Variants in SEM1 observed in about 807,000 individuals in gnomAD.
The protein encoded by SEM1 is 26S proteasome complex subunit SEM1.
Under a neutral mutation model 12.7 loss-of-function variants are expected in SEM1, and 3 were observed. The ratio of observed to expected loss-of-function variants is 0.24; its 90% CI spans 0.11 to 0.61. SEM1 has a LOEUF of 0.61. Ranked by LOEUF, SEM1 falls within the 20% of genes least tolerant of loss-of-function variation. SEM1 has a pLI of 0.88. For synonymous variants in SEM1, 30 were observed against 27.8 expected (o/e 1.08, Z -0.25); for missense variants, 59 against 81.3 (o/e 0.73, Z 1.06).
At chr7:96,568,435 T>G (rs1353230812) in intron 2 of SEM1, among the ~76,000 whole-genome samples, 5 of 151,856 alleles carry the variant, frequency 3.3e-5, no homozygotes, top group Non-Finnish European at 7.4e-5. Context: ...AATTCATTCA[T>G]TTCACTCTTT....
chr7:96,587,226 G>A (rs1189215903), intron 2 of SEM1, among the ~76,000 whole-genome samples: 2 of 152,278 alleles, frequency 1.3e-5, no homozygotes, highest in African/African-American at 4.8e-5. Flanking sequence ...AAATCTCCAA[G>A]ATTATAGTAT....
chr7:96,531,741 T>G (rs1804649894), intron 2 of SEM1, among the ~76,000 whole-genome samples: 2 of 152,106 alleles, frequency 1.3e-5, no homozygotes, highest in Admixed American at 6.6e-5. Context: ...TAAAGAAATT[T>G]TAACATTTAC....
intron 2 of SEM1, among the ~76,000 whole-genome samples, chr7:96,605,675 T>C (rs1807328871): frequency 1.3e-5 from 2 of 152,310 alleles, no homozygotes; most frequent in South Asian, 4.1e-4. Context: ...GGGGATTTTT[T>C]TTTTCTCTTG....
chr7:96,689,308 A>AT (rs1563114165), intron 2 of SEM1, among the ~76,000 whole-genome samples: 2 of 152,178 alleles, frequency 1.3e-5, no homozygotes, highest in Non-Finnish European at 2.9e-5. Context: ...ATATTTAAAC[A>AT]TAAGTTTTGA....
At chr7:96,634,578 ATATT>A (rs1490853850) in intron 2 of SEM1, among the ~76,000 whole-genome samples, 3 of 148,366 alleles carry the variant, frequency 2.0e-5, no homozygotes, top group African/African-American at 7.3e-5. Flanking sequence ...ATGCATATAT[ATATT>A]ATATATAAGA....
intron 2 of SEM1, among the ~76,000 whole-genome samples, chr7:96,635,013 A>G (rs1205192166): frequency 6.6e-6 from 1 of 152,144 alleles, no homozygotes; most frequent in Non-Finnish European, 1.5e-5. Context: ...GAAATGGCCA[A>G]CCCAGACAGG....
chr7:96,637,701 C>T (rs1009123152), intron 2 of SEM1, among the ~76,000 whole-genome samples: 3 of 151,962 alleles, frequency 2.0e-5, no homozygotes, highest in African/African-American at 7.2e-5. Context: ...CCAATGGCTG[C>T]CCTTTAGTCT....
At chr7:96,541,649 T>C (rs923189702) in intron 2 of SEM1, among the ~76,000 whole-genome samples, 29 of 151,798 alleles carry the variant, frequency 1.9e-4, no homozygotes, top group African/African-American at 5.5e-4. Context: ...GCTTTTGAGG[T>C]CTTAGACATT....
At chr7:96,574,399 T>G (rs1365803494) in intron 2 of SEM1, among the ~76,000 whole-genome samples, 4 of 142,140 alleles carry the variant, frequency 2.8e-5, no homozygotes, top group Non-Finnish European at 3.1e-5. Context: ...TAAACATACG[T>G]GTGCATGTAT....
intron 2 of SEM1, among the ~76,000 whole-genome samples, chr7:96,588,162 A>G (rs370656152): frequency 1.5e-5 from 2 of 134,902 alleles, no homozygotes; most frequent in African/African-American, 5.4e-5. Flanking sequence ...TGAGCCCAGG[A>G]CTTTGAGACC....
At chr7:96,589,452 C>T (rs1273614659) in intron 2 of SEM1, among the ~76,000 whole-genome samples, 1 of 152,086 alleles carries the variant, frequency 6.6e-6, no homozygotes, top group Non-Finnish European at 1.5e-5. Context: ...GGGATACCCC[C>T]GAGGCTGAAG....
At chr7:96,584,253 C>A (rs1806529254) in intron 2 of SEM1, among the ~76,000 whole-genome samples, 1 of 152,096 alleles carries the variant, frequency 6.6e-6, no homozygotes, top group African/African-American at 2.4e-5. Flanking sequence ...ATATGAAATT[C>A]TGGGTTGAAA....
chr7:96,693,790 G>GTGTGTGTGTGTGTGTGTA (rs1023821213), intron 2 of SEM1, among the ~76,000 whole-genome samples: 19 of 145,542 alleles, frequency 1.3e-4, no homozygotes, highest in African/African-American at 4.7e-4. Flanking sequence ...GTGTGTGTGT[G>GTGTGTGTGTGTGTGTGTA]TATATATATA....
chr7:96,543,493 T>C (rs527385936), intron 2 of SEM1, among the ~76,000 whole-genome samples: 2 of 151,956 alleles, frequency 1.3e-5, no homozygotes, highest in Admixed American at 1.3e-4. Context: ...GTCCAATGTT[T>C]CAAATGTCTA....
intron 2 of SEM1, among the ~76,000 whole-genome samples, chr7:96,597,646 TTATA>T (rs1389811178): frequency 6.7e-6 from 1 of 149,726 alleles, no homozygotes; most frequent in African/African-American, 2.5e-5. Context: ...AACTTTACAA[TTATA>T]TATAAATTTC....
chr7:96,684,138 C>T (rs894160118), downstream of SEM1, among the ~76,000 whole-genome samples: 3 of 152,108 alleles, frequency 2.0e-5, no homozygotes, highest in Non-Finnish European at 4.4e-5. Flanking sequence ...CTAATCTTCA[C>T]CCTCAAACTG....
intron 3 of SEM1, among the ~76,000 whole-genome samples, chr7:96,504,461 T>C (rs1026917878): frequency 6.6e-6 from 1 of 152,146 alleles, no homozygotes; most frequent in Non-Finnish European, 1.5e-5. Context: ...CATGAACTGA[T>C]TCAACAATTA....
At chr7:96,524,683 T>G (rs1197089207) in intron 2 of SEM1, among the ~76,000 whole-genome samples, 2 of 152,016 alleles carry the variant, frequency 1.3e-5, no homozygotes, top group Non-Finnish European at 2.9e-5. Flanking sequence ...TATTTCATTA[T>G]GTAGTCAACA....
chr7:96,487,467 A>G (rs1802820974), intron 1 of SEM1, among the ~76,000 whole-genome samples: 1 of 149,468 alleles, frequency 6.7e-6, no homozygotes, highest in Non-Finnish European at 1.5e-5. Flanking sequence ...GTATTTTGGG[A>G]CCCCCTTTAA....
Sources: allele counts gnomAD v4.1 joint callset (sites outside exome capture counted in the v4.1 genomes callset), GRCh38; gene constraint gnomAD v4.1.1; transcripts MANE v1.5; gene names NCBI Gene and HGNC (gene_info 2026-07-23, HGNC 2026-07-21).